Variants in MED13L observed in about 807,000 individuals in gnomAD.
The protein encoded by MED13L is mediator of RNA polymerase II transcription subunit 13-like.
Under a neutral mutation model 220.9 loss-of-function variants are expected in MED13L, and 7 were observed. The observed-to-expected ratio is 0.03, with a 90% CI of 0.02 to 0.06. The LOEUF (loss-of-function observed/expected upper bound fraction) is 0.06, where lower values mean the gene tolerates loss of function less well. Among genes scored for constraint, MED13L ranks in the 10% least tolerant of loss-of-function variants. The probability of loss-of-function intolerance (pLI) is 1.00; values close to 1 mark genes in which losing one functional copy is unlikely to be tolerated. For missense variants in MED13L, 1,965 were observed against 2,760.5 expected (o/e 0.71, Z 6.46); for synonymous variants, 1,011 against 1,015.2 (o/e 1.00, Z 0.08).
chr12:116,183,838 G>GTGTA (rs1163862273), intron 2 of MED13L, among the ~76,000 whole-genome samples: 1 of 151,564 alleles, frequency 6.6e-6, no homozygotes. Context: ...GTGTGTGTGT[G>GTGTA]TGTGTAAAAT....
intron 2 of MED13L, among the ~76,000 whole-genome samples, chr12:116,183,596 T>A (rs1880671671): frequency 6.6e-6 from 1 of 152,190 alleles, no homozygotes; most frequent in African/African-American, 2.4e-5. Context: ...GACCATTAAA[T>A]CAACTTTGTA....
chr12:116,159,555 A>C (rs1878703386), intron 2 of MED13L, among the ~76,000 whole-genome samples: 1 of 152,228 alleles, frequency 6.6e-6, no homozygotes, highest in Admixed American at 6.5e-5. Flanking sequence ...CTTACAGTTC[A>C]CATTCCTATA....
At chr12:115,978,288 G>A (rs1241777751) in intron 23 of MED13L, among the ~76,000 whole-genome samples, 2 of 151,584 alleles carry the variant, frequency 1.3e-5, no homozygotes, top group Middle Eastern at 3.4e-3. Context: ...ACAACTGTGT[G>A]GAAATACTAA....
intron 1 of MED13L, among the ~76,000 whole-genome samples, chr12:116,253,196 A>AG (rs1183916147): frequency 7.1e-5 from 4 of 56,096 alleles, no homozygotes; most frequent in Admixed American, 2.4e-4. Flanking sequence ...TGGGTGGGGG[A>AG]GGGGGGCGGA....
intron 14 of MED13L, among the ~76,000 whole-genome samples, chr12:116,000,430 TAA>T (rs1566002395): frequency 6.6e-6 from 1 of 152,170 alleles, no homozygotes; most frequent in Non-Finnish European, 1.5e-5. Flanking sequence ...CGGGAACTCA[TAA>T]GACACCCACC....
chr12:116,178,271 A>G (rs1440969335), intron 2 of MED13L, among the ~76,000 whole-genome samples: 1 of 152,218 alleles, frequency 6.6e-6, no homozygotes, highest in African/African-American at 2.4e-5. Context: ...CTGATACTCA[A>G]CCAAAGACTG....
intron 25 of MED13L, 152 bp from the exon 26 acceptor site, chr12:115,972,388 G>A (rs1445737632): frequency 1.2e-6 from 1 of 863,854 alleles, no homozygotes; most frequent in Non-Finnish European, 1.9e-6. Flanking sequence ...CCTTGCTATA[G>A]AGAATGTTAC....
intron 1 of MED13L, among the ~76,000 whole-genome samples, chr12:116,265,545 T>C (rs772428130): frequency 1.1e-4 from 16 of 152,360 alleles, no homozygotes; most frequent in Middle Eastern, 3.4e-3. Flanking sequence ...ATCTGCTCAT[T>C]TGAGATTCAC....
intron 3 of MED13L, chr12:116,110,287 T>C (rs1000903547): frequency 2.4e-4 from 36 of 151,848 alleles, no homozygotes; most frequent in African/African-American, 7.7e-4. Context: ...TCAAAATAAA[T>C]GATGGTAAAA....
chr12:116,067,336 C>T (rs911073090), intron 4 of MED13L, among the ~76,000 whole-genome samples: 1 of 151,966 alleles, frequency 6.6e-6, no homozygotes, highest in Non-Finnish European at 1.5e-5. Context: ...GTATTATATA[C>T]GTTATGAAGC....
intron 4 of MED13L, among the ~76,000 whole-genome samples, chr12:116,086,667 C>T (rs1240737027): frequency 6.6e-6 from 1 of 152,156 alleles, no homozygotes; most frequent in Non-Finnish European, 1.5e-5. Context: ...AGCATGCAAG[C>T]CACACTTAAC....
rs1359093058 is a variant in MED13L, at chr12:116,208,218, A to G, written c.310+29250T>C. Among the ~76,000 whole-genome samples the G allele has an allele frequency of 3.9e-5, 6 of 152,262 alleles. No individual in the cohort carries two copies. In the East Asian group the frequency reaches 9.7e-4, roughly 24 times the overall value. ...GAGACCAGCCTGGCTAACACGGTGA[A>G]ACCCGGTTTCTACTAAAAATACAAA... On this transcript the variant is annotated intron_variant, in intron 2 of 30. Transcript: ENST00000281928.
At chr12:116,147,236 T>C (rs1877600322) in intron 2 of MED13L, among the ~76,000 whole-genome samples, 1 of 152,192 alleles carries the variant, frequency 6.6e-6, no homozygotes, top group South Asian at 2.1e-4. Context: ...AGGGATACCA[T>C]GTCCTAAAAC....
In MED13L at chr12:116,110,998, T is replaced by C. The variant is rs187961602; in HGVS notation, c.395+430A>G. On this transcript the variant is annotated intron_variant, in intron 3 of 30. Transcript: ENST00000281928. ...GAGGTTAAGCTATAATGGATGTAAC[T>C]GGGACAACCAATGACATCTGAATTG... 1.6e-4 allele frequency among the ~76,000 whole-genome samples: 24 copies of C among 152,302 alleles called. No individual in the cohort carries two copies. The East Asian group carries it at 3.5e-3, about 22-fold the overall frequency.
intron 2 of MED13L, among the ~76,000 whole-genome samples, chr12:116,117,757 A>T (rs1874652289): frequency 6.6e-6 from 1 of 152,170 alleles, no homozygotes; most frequent in South Asian, 2.1e-4. Context: ...TCTTCACTTC[A>T]TATCAAACAC....
chr12:116,252,923 C>G, intron 1 of MED13L, among the ~76,000 whole-genome samples: 1 of 151,804 alleles, frequency 6.6e-6, no homozygotes, highest in East Asian at 1.9e-4. Flanking sequence ...ATTCCTTTAC[C>G]AAATTAACAA....
At chr12:116,200,341 C>T (rs1294350788) in intron 2 of MED13L, among the ~76,000 whole-genome samples, 1 of 152,040 alleles carries the variant, frequency 6.6e-6, no homozygotes, top group Non-Finnish European at 1.5e-5. Context: ...TGTACTATAG[C>T]CACCTTTCTC....
At chr12:116,047,199 A>T (rs1881890657) in intron 4 of MED13L, among the ~76,000 whole-genome samples, 1 of 152,002 alleles carries the variant, frequency 6.6e-6, no homozygotes, top group Non-Finnish European at 1.5e-5. Context: ...AAAGAAAAAT[A>T]AAAAATTGGC....
In MED13L at chr12:115,997,052, T is replaced by C. The variant is rs768351643; in HGVS notation, c.2748A>G (p.Glu916=). 9.9e-6 allele frequency: 16 copies of C among 1,613,988 alleles called. No homozygotes were observed. The highest frequency in any genetic ancestry group is 1.3e-5 in the African/African-American group (1 of 74,920). ...TGGGACTTCCTAATCCATCTTCCAC[T>C]TCCATTTTGAATTCTGTGAGTTGTG... is the stretch of plus-strand genomic sequence containing the variant. The part of the protein sequence containing the change: ...VSTQLTEFKM[E]VEDGLGSPKP... The change falls in exon 15 of 31, where the codon GAA becomes GAG. Residue 916 remains glutamate (E), a synonymous_variant. Transcript: ENST00000281928.
Sources: gnomAD v4.1 joint callset for allele counts (sites outside exome capture counted in the v4.1 genomes callset) on GRCh38, gnomAD v4.1.1 for gene constraint, MANE v1.5 for transcripts, NCBI Gene and HGNC (gene_info 2026-07-23, HGNC 2026-07-21) for gene names.